The following ADK variants were observed in gnomAD, a reference collection of about 807,000 sequenced individuals.
ADK encodes N6,N6-dimethyladenosine kinase.
Under a neutral mutation model 44.7 loss-of-function variants are expected in ADK, and 24 were observed. That is an observed-to-expected ratio of 0.54 (90% CI 0.39 to 0.76). The LOEUF (loss-of-function observed/expected upper bound fraction) is 0.76, where lower values mean the gene tolerates loss of function less well. ADK is among the 30% of genes least tolerant of loss of function. ADK has a pLI of 0.00. For synonymous variants in ADK, 128 were observed against 142.6 expected (o/e 0.90, Z 0.73); for missense variants, 321 against 425.1 (o/e 0.76, Z 2.15).
At chr10:74,164,001 C>T (rs182199476) in intron 1 of ADK, among the ~76,000 whole-genome samples, 19 of 152,282 alleles carry the variant, frequency 1.2e-4, no homozygotes, top group Admixed American at 9.2e-4. Flanking sequence ...AGAAGTGATG[C>T]AGATTTATGC....
At chr10:74,235,987 A>G (rs999603454) in intron 3 of ADK, among the ~76,000 whole-genome samples, 25 of 152,094 alleles carry the variant, frequency 1.6e-4, no homozygotes, top group African/African-American at 5.8e-4. Context: ...CTGGCACCAT[A>G]CTCTAGGACT....
intron 10 of ADK, among the ~76,000 whole-genome samples, chr10:74,673,906 A>T (rs960641950): frequency 2.0e-5 from 3 of 152,152 alleles, no homozygotes; most frequent in South Asian, 4.1e-4. Flanking sequence ...AAGCTATGCC[A>T]TCAAGCTGTC....
intron 9 of ADK, among the ~76,000 whole-genome samples, chr10:74,658,054 T>C (rs1028852204): frequency 1.3e-5 from 2 of 152,180 alleles, no homozygotes; most frequent in East Asian, 3.9e-4. Flanking sequence ...ACTCTTTTGG[T>C]CAGGGAAAGA....
chr10:74,703,011 C>T (rs1856487742), intron 10 of ADK, among the ~76,000 whole-genome samples: 1 of 152,168 alleles, frequency 6.6e-6, no homozygotes, highest in African/African-American at 2.4e-5. Flanking sequence ...GAATTCCTAT[C>T]ACCAGTGCAC....
At chr10:74,708,285 A>G (rs1856676791) in intron 10 of ADK, 36 bp from the exon 11 acceptor site, 14 of 1,603,400 alleles carry the variant, frequency 8.7e-6, no homozygotes, top group Non-Finnish European at 1.2e-5. Context: ...CTGCTGTTAT[A>G]CAATACTCAT....
intron 7 of ADK, among the ~76,000 whole-genome samples, chr10:74,576,740 G>A (rs1162894109): frequency 1.3e-5 from 2 of 151,980 alleles, no homozygotes; most frequent in Non-Finnish European, 2.9e-5. Context: ...CAACAGAAAT[G>A]CCACTACTTT....
rs371833399 is a variant in ADK, at chr10:74,183,256, C to A, written c.66-17508C>A. On this transcript the variant is annotated intron_variant, in intron 1 of 10. Transcript: ENST00000539909. The stretch of plus-strand genomic sequence containing the variant: ...CATGAGCCGCTGTGCCCAGCCACAT[C>A]CTTGGTTTTAAATTGTTATTTAAAA... 3.1e-4 allele frequency among the ~76,000 whole-genome samples: 47 copies of A among 152,254 alleles called. 1 individual carries two copies. The Middle Eastern group carries it at 0.01, about 33-fold the overall frequency.
chr10:74,242,884 T>G (rs894013570), intron 3 of ADK, among the ~76,000 whole-genome samples: 2 of 152,180 alleles, frequency 1.3e-5, no homozygotes, highest in African/African-American at 4.8e-5. Context: ...GAAGACCACC[T>G]ACTCTTCCCG....
At chr10:74,395,322 G>C (rs1255871937) in intron 5 of ADK, among the ~76,000 whole-genome samples, 1 of 151,480 alleles carries the variant, frequency 6.6e-6, no homozygotes, top group African/African-American at 2.4e-5. Context: ...CTCACTACTT[G>C]ACCTTCAGCA....
chr10:74,386,382 TG>T (rs1843140862), intron 4 of ADK, among the ~76,000 whole-genome samples: 1 of 152,220 alleles, frequency 6.6e-6, no homozygotes, highest in Non-Finnish European at 1.5e-5. Flanking sequence ...GACTGCCTCT[TG>T]GGCATCATTG....
chr10:74,194,548 A>AT (rs1843055868), intron 1 of ADK, among the ~76,000 whole-genome samples: 1 of 152,226 alleles, frequency 6.6e-6, no homozygotes, highest in Non-Finnish European at 1.5e-5. Flanking sequence ...AGCTAGGTAG[A>AT]TTTTAAGTAG....
chr10:74,670,446 G>GA (rs1855128764), intron 10 of ADK, among the ~76,000 whole-genome samples, 177 bp downstream of exon 10: 1 of 152,066 alleles, frequency 6.6e-6, no homozygotes, highest in South Asian at 2.1e-4. Flanking sequence ...TTTACCAGAG[G>GA]AAAAATATGT....
intron 8 of ADK, among the ~76,000 whole-genome samples, chr10:74,595,223 A>T (rs1851862840): frequency 6.7e-6 from 1 of 150,220 alleles, no homozygotes; most frequent in Non-Finnish European, 1.5e-5. Context: ...TCAAAGTCAT[A>T]TAGCTAATAC....
At position 74,525,306 on chromosome 10, in the gene ADK, T is replaced by G. The variant is rs746517297; in HGVS notation, c.606T>G (p.His202Gln). The G allele has an allele frequency of 3.7e-6, 6 of 1,613,882 alleles. No individual in the cohort carries two copies. The highest frequency in any genetic ancestry group is 5.1e-6 in the Non-Finnish European group (6 of 1,179,886). The change falls in exon 7 of 11, where the codon CAT (histidine) becomes CAG (glutamine). Residue 202 changes from histidine (H) to glutamine (Q), a missense_variant. His to Gln is a conservative substitution (Grantham distance 24, BLOSUM62 0). Transcript: ENST00000539909. ...SPESVLKVAH[H>Q]ASENNRIFTL... ...AGTCAGTATTAAAGGTGGCTCACCA[T>G]GCTTCTGAAAACAACAGGATTTTCA...
At chr10:74,293,159 CTG>C (rs1236292477) in intron 3 of ADK, among the ~76,000 whole-genome samples, 4 of 87,162 alleles carry the variant, frequency 4.6e-5, no homozygotes, top group Non-Finnish European at 8.7e-5. Context: ...GATTGAAACC[CTG>C]TCTCAAAAAA....
intron 4 of ADK, among the ~76,000 whole-genome samples, chr10:74,379,479 A>G (rs1420361289): frequency 6.6e-6 from 1 of 152,204 alleles, no homozygotes; most frequent in South Asian, 2.1e-4. Flanking sequence ...GTGACATACT[A>G]TTACACTGAA....
At chr10:74,685,921 G>T (rs990029459) in intron 10 of ADK, among the ~76,000 whole-genome samples, 4 of 151,868 alleles carry the variant, frequency 2.6e-5, no homozygotes, top group Non-Finnish European at 4.4e-5. Context: ...TTATAACAGT[G>T]GTTAAGACAC....
intron 4 of ADK, among the ~76,000 whole-genome samples, chr10:74,347,703 A>G (rs1408615845): frequency 6.6e-6 from 1 of 152,154 alleles, no homozygotes; most frequent in African/African-American, 2.4e-5. Context: ...ACAGTCTGAA[A>G]TTGACCTTGG....
At chr10:74,329,098 T>C (rs1422346989) in intron 4 of ADK, among the ~76,000 whole-genome samples, 2 of 111,538 alleles carry the variant, frequency 1.8e-5, no homozygotes, top group Non-Finnish European at 3.6e-5. Flanking sequence ...TCTAATCTTC[T>C]GTGCAGGCAA....
Sources: gnomAD v4.1 joint callset for allele counts (sites outside exome capture counted in the v4.1 genomes callset) on GRCh38, gnomAD v4.1.1 for gene constraint, MANE v1.5 for transcripts, NCBI Gene and HGNC (gene_info 2026-07-23, HGNC 2026-07-21) for gene names.